The following SH3GLB1 variants were observed in gnomAD, a reference collection of about 807,000 sequenced individuals.
SH3GLB1 encodes endophilin-B1.
Under a neutral mutation model 42.0 loss-of-function variants are expected in SH3GLB1, and 17 were observed. The observed-to-expected ratio is 0.40, with a 90% confidence interval of 0.28 to 0.61. The LOEUF (loss-of-function observed/expected upper bound fraction) is 0.61, where lower values mean the gene tolerates loss of function less well. Ranked by LOEUF, SH3GLB1 falls within the 20% of genes least tolerant of loss-of-function variation. The pLI is 0.36. For synonymous variants in SH3GLB1, 132 were observed against 146.6 expected (o/e 0.90, Z 0.72); for missense variants, 355 against 426.3 (o/e 0.83, Z 1.47).
At chr1:86,720,019 A>G (rs904110713) in intron 3 of SH3GLB1, among the ~76,000 whole-genome samples, 3 of 148,888 alleles carry the variant, frequency 2.0e-5, no homozygotes, top group African/African-American at 7.4e-5. Context: ...AAAAAAAAAC[A>G]TAGTAGTAGA....
chr1:86,716,638 A>G lies in SH3GLB1; in HGVS notation c.214+773A>G, dbSNP rs573196711. On this transcript the variant is annotated intron_variant, in intron 2 of 8. Transcript: ENST00000370558. ...TATTTCATTTCATCTTCAGACAACT[A>G]TGAGATTTTCAGATAAGTCAACTCA... Among the ~76,000 whole-genome samples, 4 of 152,308 alleles carry G rather than the reference A, an allele frequency of 2.6e-5. No individual in the cohort carries two copies. The South Asian group carries it at 6.2e-4, about 24-fold the overall frequency.
At chr1:86,733,402 A>C (rs777883606) in intron 5 of SH3GLB1, among the ~76,000 whole-genome samples, 16 of 152,178 alleles carry the variant, frequency 1.1e-4, no homozygotes, top group Non-Finnish European at 1.6e-4. Flanking sequence ...GGCCTGAAAG[A>C]AAAAAGTTCA....
At chr1:86,713,259 T>G (rs1478434252) in intron 1 of SH3GLB1, among the ~76,000 whole-genome samples, 1 of 152,106 alleles carries the variant, frequency 6.6e-6, no homozygotes, top group Non-Finnish European at 1.5e-5. Context: ...TTTTGGATTT[T>G]TTTGTAGAGA....
At chr1:86,728,242 G>A (rs918676838) in intron 5 of SH3GLB1, among the ~76,000 whole-genome samples, 3 of 152,034 alleles carry the variant, frequency 2.0e-5, no homozygotes, top group African/African-American at 4.8e-5. Context: ...ACCACTATAT[G>A]CAGTTTCACA....
intron 2 of SH3GLB1, among the ~76,000 whole-genome samples, chr1:86,719,258 A>G (rs1654722726): frequency 6.6e-6 from 1 of 152,208 alleles, no homozygotes; most frequent in African/African-American, 2.4e-5. Context: ...ATCTTGTAGA[A>G]TACTCAAATA....
In SH3GLB1 at chr1:86,724,424, A is replaced by G. The variant is rs537714550; in HGVS notation, c.570+19A>G. 6 of 1,505,360 alleles carry G rather than the reference A, an allele frequency of 4.0e-6. No individual in the cohort carries two copies. In the East Asian group the frequency reaches 9.5e-5, roughly 24 times the overall value. The allele number at this position is 1,505,360 out of a possible 1,614,324, so 93.3% of individuals were successfully genotyped here. A position where few individuals can be genotyped will look rare whatever the true frequency, so the allele number is the denominator to read the frequency against. The stretch of plus-strand genomic sequence containing the variant: ...AAATTCAGTAAGTAAATAGAAAAAT[A>G]TTTTTGATTAATAACTTTAAGATTT... On this transcript the variant is annotated intron_variant, in intron 5 of 8. Coordinates refer to ENST00000370558, the MANE Select transcript of SH3GLB1 (RefSeq NM_016009.5).
chr1:86,735,590 A>C (rs1036038092), intron 7 of SH3GLB1, among the ~76,000 whole-genome samples: 5 of 152,232 alleles, frequency 3.3e-5, no homozygotes, highest in Admixed American at 2.6e-4. Context: ...GTAAGACCTC[A>C]TATCTACCGA....
chr1:86,724,892 A>AAAT (rs1291454820), intron 5 of SH3GLB1, among the ~76,000 whole-genome samples: 15 of 99,684 alleles, frequency 1.5e-4, no homozygotes, highest in East Asian at 1.4e-3. Context: ...AAAAAAAAAA[A>AAAT]ATATATATAT....
chr1:86,705,865 C>G (rs1653835198), intron 1 of SH3GLB1, among the ~76,000 whole-genome samples: 1 of 152,212 alleles, frequency 6.6e-6, no homozygotes, highest in Admixed American at 6.5e-5. Context: ...ACAACATTCT[C>G]TTTTGTAAAA....
Position 86,742,375 on chromosome 1 carries a change from C to T in SH3GLB1, c.929C>T (p.Ala310Val). The T allele has an allele frequency of 1.2e-6, 2 of 1,614,058 alleles. No individual in the cohort carries two copies. The highest frequency in any genetic ancestry group is 2.2e-5 in the South Asian group (2 of 91,080). ...AAGGAGTGTAGTGGCAGCAGAAAGGCCAGGGTTCTCTATGATTATGATGCA... is the reference window on the plus strand; with the variant it reads ...AAGGAGTGTAGTGGCAGCAGAAAGGTCAGGGTTCTCTATGATTATGATGCA... ...DLKECSGSRK[A>V]RVLYDYDAAN... The change falls in exon 8 of 9, where the codon GCC becomes GTC. Residue 310 changes from alanine to valine, a missense_variant. Coordinates refer to ENST00000370558, the MANE Select transcript of SH3GLB1 (RefSeq NM_016009.5).
At position 86,712,622 on chromosome 1, in the gene SH3GLB1, T is replaced by G. The variant is rs1364556399; in HGVS notation, c.73-3102T>G. ...CCTTGACACAGAAGTATGAGAAAGA[T>G]GTAAATGGATGTGCTGAAATGTGAA... On this transcript the variant is annotated intron_variant, in intron 1 of 8. Transcript: ENST00000370558. Among the ~76,000 whole-genome samples the G allele has an allele frequency of 2.6e-4, 39 of 152,206 alleles. 2 individuals carry two copies. The highest frequency in any genetic ancestry group is 2.6e-3 in the Admixed American group (39 of 15,280).
chr1:86,738,019 G>A (rs1655862294), intron 7 of SH3GLB1, among the ~76,000 whole-genome samples: 1 of 152,170 alleles, frequency 6.6e-6, no homozygotes, highest in African/African-American at 2.4e-5. Context: ...AGGCGCCTTT[G>A]GAAATTTTGA....
rs1653933275 is a variant in SH3GLB1 at position 86,707,433 on chromosome 1, C to G, written c.72+2462C>G. ...ATTACAGTGGTAGCAGTGAAGGTTC[C>G]AAATTATCCAGTATTGGCTGTTGGA... On this transcript the variant is annotated intron_variant, in intron 1 of 8. Coordinates refer to ENST00000370558, the MANE Select transcript of SH3GLB1 (RefSeq NM_016009.5). 2.0e-5 allele frequency among the ~76,000 whole-genome samples: 3 copies of G among 152,072 alleles called. No individual in the cohort carries two copies. In the South Asian group the frequency reaches 6.2e-4, roughly 31 times the overall value.
At position 86,745,889 on chromosome 1, in the gene SH3GLB1, CAT is replaced by C. The variant is rs1027172546; in HGVS notation, c.*2655_*2656del. The C allele has an allele frequency of 1.1e-4, 16 of 152,348 alleles. No individual in the cohort carries two copies. The highest frequency in any genetic ancestry group is 2.4e-4 in the African/African-American group (10 of 41,334). 9.4% of individuals were successfully genotyped at this position (152,348 alleles called of 1,614,324 possible). A position where few individuals can be genotyped will look rare whatever the true frequency, so the allele number is the denominator to read the frequency against. ...TGAGCTTAATCTGAAAGTATAGTGA[CAT>C]GTGAAGGATGCACATATGAATGAAA... On this transcript the variant is annotated 3_prime_UTR_variant, in exon 9 of 9. Transcript: ENST00000370558.
At chr1:86,732,339 A>T (rs1330051251) in intron 5 of SH3GLB1, among the ~76,000 whole-genome samples, 6 of 152,254 alleles carry the variant, frequency 3.9e-5, no homozygotes, top group Non-Finnish European at 5.9e-5. Flanking sequence ...AGTTACTTTT[A>T]GCAGTAGAAG....
chr1:86,733,682 A>G (rs1302223804), intron 5 of SH3GLB1, among the ~76,000 whole-genome samples: 1 of 152,158 alleles, frequency 6.6e-6, no homozygotes. Flanking sequence ...ACTATTTGCT[A>G]TTTTTAGATC....
intron 1 of SH3GLB1, among the ~76,000 whole-genome samples, chr1:86,712,044 A>G (rs972850559): frequency 6.6e-6 from 1 of 152,134 alleles, no homozygotes; most frequent in Admixed American, 6.5e-5. Context: ...TTAATTATGG[A>G]AAAATCCTTT....
intron 5 of SH3GLB1, chr1:86,730,016 T>G: frequency 7.3e-7 from 1 of 1,373,378 alleles, no homozygotes; most frequent in Non-Finnish European, 1.0e-6. Flanking sequence ...TATATTTTTC[T>G]ATACTAAGTT....
At chr1:86,721,319 T>C (rs180832703) in intron 3 of SH3GLB1, among the ~76,000 whole-genome samples, 84 of 152,328 alleles carry the variant, frequency 5.5e-4, no homozygotes, top group African/African-American at 2.0e-3. Context: ...ATAAATTATA[T>C]TACCTTCATT....
Sources: gnomAD v4.1 joint callset for allele counts (sites outside exome capture counted in the v4.1 genomes callset) on GRCh38, gnomAD v4.1.1 for gene constraint, MANE v1.5 for transcripts, NCBI Gene and HGNC (gene_info 2026-07-23, HGNC 2026-07-21) for gene names.